Variants in CORO2A observed in about 807,000 individuals in gnomAD.
CORO2A encodes the protein coronin-2A.
CORO2A carries 47 observed loss-of-function variants against 62.4 expected under a neutral mutation model. The ratio of observed to expected loss-of-function variants is 0.75; its 90% CI spans 0.60 to 0.96. The LOEUF (loss-of-function observed/expected upper bound fraction) is 0.96, where lower values mean the gene tolerates loss of function less well. Among genes scored for constraint, CORO2A ranks in the 40% least tolerant of loss-of-function variants. CORO2A has a pLI of 0.00. For synonymous variants in CORO2A, 273 were observed against 268.9 expected (o/e 1.02, Z -0.15); for missense variants, 610 against 684.1 (o/e 0.89, Z 1.21).
intron 2 of CORO2A, 69 bp from the exon 3 acceptor site, chr9:98,137,757 G>A (rs1412438909): frequency 5.2e-6 from 6 of 1,146,336 alleles, no homozygotes; most frequent in South Asian, 3.7e-5. Context: ...CAGTCACATA[G>A]TCAGTTAGCA....
chr9:98,169,504 G>A (rs1010752006), intron 1 of CORO2A, among the ~76,000 whole-genome samples: 5 of 151,540 alleles, frequency 3.3e-5, no homozygotes, highest in Non-Finnish European at 7.4e-5. Flanking sequence ...CTCAGGCCTC[G>A]CATATTCCAC....
chr9:98,161,249 T>C (rs1827881695), intron 1 of CORO2A, among the ~76,000 whole-genome samples: 4 of 152,006 alleles, frequency 2.6e-5, no homozygotes, highest in Non-Finnish European at 5.9e-5. Context: ...GGGGAGCTAC[T>C]GGAGAAATTA....
chr9:98,124,567 A>G lies in CORO2A; in HGVS notation c.*207T>C. ...AACAGAAGGCATCATCTGAAAACAA[A>G]GTCAATTCAGAAACTGTTGTTGCAA... On this transcript the variant is annotated 3_prime_UTR_variant, in exon 12 of 12. Transcript: ENST00000375077. 1 of 469,642 alleles carries G rather than the reference A, an allele frequency of 2.1e-6. No individual in the cohort carries two copies. The highest frequency in any genetic ancestry group is 3.7e-6 in the Non-Finnish European group (1 of 271,348). The allele number at this position is 469,642 out of a possible 1,614,324, so 29.1% of individuals were successfully genotyped here. A position where few individuals can be genotyped will look rare whatever the true frequency, so the allele number is the denominator to read the frequency against.
At chr9:98,183,222 G>C (rs904133968) in intron 1 of CORO2A, among the ~76,000 whole-genome samples, 1 of 152,212 alleles carries the variant, frequency 6.6e-6, no homozygotes, top group East Asian at 1.9e-4. Flanking sequence ...TGTTGCTACT[G>C]ATGTGGTAGG....
At position 98,123,174 on chromosome 9, in the gene CORO2A, C is replaced by T. The variant is rs1827266238; in HGVS notation, c.*1600G>A. ...GGGGCACAGCTGAGGCCAGAAGCAACAGATTTCTACTCTTTGGGCTGAGAA... is the reference window on the plus strand; with the variant it reads ...GGGGCACAGCTGAGGCCAGAAGCAATAGATTTCTACTCTTTGGGCTGAGAA... On this transcript the variant is annotated 3_prime_UTR_variant, in exon 12 of 12. Transcript: ENST00000375077. The T allele has an allele frequency of 6.6e-6, 1 of 152,170 alleles. No individual in the cohort carries two copies. The highest frequency in any genetic ancestry group is 1.5e-5 in the Non-Finnish European group (1 of 68,046). 9.4% of individuals were successfully genotyped at this position (152,170 alleles called of 1,614,324 possible). A position where few individuals can be genotyped will look rare whatever the true frequency, so the allele number is the denominator to read the frequency against.
intron 1 of CORO2A, among the ~76,000 whole-genome samples, chr9:98,166,722 T>C (rs962338992): frequency 2.0e-5 from 3 of 152,194 alleles, no homozygotes; most frequent in Non-Finnish European, 2.9e-5. Flanking sequence ...TGCACACTCA[T>C]GTTCATAGCA....
intron 1 of CORO2A, among the ~76,000 whole-genome samples, chr9:98,168,248 A>G (rs1054029992): frequency 6.6e-6 from 1 of 152,278 alleles, no homozygotes; most frequent in Non-Finnish European, 1.5e-5. Flanking sequence ...GTAATTAAAC[A>G]ACATGCCCAT....
intron 1 of CORO2A, among the ~76,000 whole-genome samples, chr9:98,160,721 G>A (rs931075228): frequency 6.6e-6 from 1 of 152,180 alleles, no homozygotes; most frequent in Admixed American, 6.5e-5. Flanking sequence ...ACTGCTGGGG[G>A]TGGCGGGAGT....
At chr9:98,186,032 G>A (rs555660143) in intron 1 of CORO2A, among the ~76,000 whole-genome samples, 5 of 152,230 alleles carry the variant, frequency 3.3e-5, no homozygotes, top group Admixed American at 6.5e-5. Flanking sequence ...GGGAACACAC[G>A]CCTGCCCCTG....
chr9:98,147,824 T>C (rs533476734), intron 2 of CORO2A, among the ~76,000 whole-genome samples: 3 of 152,294 alleles, frequency 2.0e-5, no homozygotes, highest in South Asian at 4.1e-4. Context: ...CCCAAAAATA[T>C]GTACACAAAT....
intron 9 of CORO2A, 70 bp from the exon 10 acceptor site, chr9:98,128,330 C>G (rs1316278437): frequency 3.9e-6 from 5 of 1,267,098 alleles, no homozygotes; most frequent in Non-Finnish European, 5.7e-6. Flanking sequence ...GCCCTTAGAC[C>G]TGGGAGTCCA....
intron 8 of CORO2A, among the ~76,000 whole-genome samples, 177 bp downstream of exon 8, chr9:98,129,617 G>C (rs117807485): frequency 3.3e-3 from 510 of 152,278 alleles, no homozygotes; most frequent in Middle Eastern, 6.8e-3. Context: ...CCTTTGTGCT[G>C]TTGCACACGT....
chr9:98,178,020 CT>C (rs1007047524), intron 1 of CORO2A, among the ~76,000 whole-genome samples: 4 of 152,086 alleles, frequency 2.6e-5, no homozygotes, highest in Admixed American at 6.6e-5. Context: ...AATTCTCTCA[CT>C]TTTTTTCTTT....
intron 1 of CORO2A, among the ~76,000 whole-genome samples, chr9:98,179,732 C>T (rs912212855): frequency 2.0e-5 from 3 of 152,084 alleles, no homozygotes; most frequent in Admixed American, 6.6e-5. Context: ...AGGCCAGGCG[C>T]GGTGGCTCTT....
intron 1 of CORO2A, among the ~76,000 whole-genome samples, chr9:98,158,836 A>AACACACACACAC (rs34090994): frequency 4.7e-5 from 7 of 149,358 alleles, no homozygotes; most frequent in East Asian, 2.0e-4. Flanking sequence ...AAAAGAAGAA[A>AACACACACACAC]ACACACACAC....
chr9:98,191,808 C>T (rs1197352076), intron 1 of CORO2A, among the ~76,000 whole-genome samples: 1 of 152,214 alleles, frequency 6.6e-6, no homozygotes, highest in Non-Finnish European at 1.5e-5. Context: ...CTTGTCACAC[C>T]AGCTAGTGTG....
chr9:98,142,356 GC>G (rs1827580499), intron 2 of CORO2A, among the ~76,000 whole-genome samples: 1 of 152,254 alleles, frequency 6.6e-6, no homozygotes, highest in Admixed American at 6.5e-5. Flanking sequence ...CCAAGTGTGA[GC>G]CTGGTGCTGT....
intron 7 of CORO2A, among the ~76,000 whole-genome samples, chr9:98,130,630 G>A (rs1375401069): frequency 6.6e-6 from 1 of 152,224 alleles, no homozygotes; most frequent in Non-Finnish European, 1.5e-5. Context: ...GGTGGGCAGG[G>A]GCCAGGGCTG....
intron 3 of CORO2A, among the ~76,000 whole-genome samples, chr9:98,136,201 T>C (rs1323455595): frequency 1.3e-5 from 2 of 152,212 alleles, no homozygotes; most frequent in Non-Finnish European, 2.9e-5. Flanking sequence ...AAAAGGCAGG[T>C]ATCACAAAAG....
Sources: gnomAD v4.1 joint callset for allele counts (sites outside exome capture counted in the v4.1 genomes callset) on GRCh38, gnomAD v4.1.1 for gene constraint, MANE v1.5 for transcripts, NCBI Gene and HGNC (gene_info 2026-07-23, HGNC 2026-07-21) for gene names.